The following HNF1A variants were observed in gnomAD, a reference collection of about 807,000 sequenced individuals.
HNF1A encodes the protein hepatocyte nuclear factor 1-alpha.
Under a neutral mutation model 62.2 loss-of-function variants are expected in HNF1A, and 21 were observed. The observed-to-expected ratio is 0.34, with a 90% CI of 0.24 to 0.49. HNF1A has a LOEUF of 0.49. Among genes scored for constraint, HNF1A ranks in the 20% least tolerant of loss-of-function variants. The probability of loss-of-function intolerance (pLI) is 0.99; values close to 1 mark genes in which losing one functional copy is unlikely to be tolerated. For missense variants in HNF1A, 687 were observed against 832.3 expected (o/e 0.83, Z 2.15); for synonymous variants, 374 against 366.8 (o/e 1.02, Z -0.22).
chr12:120,995,374 A>G (rs777024133), intron 4 of HNF1A, among the ~76,000 whole-genome samples: 27 of 146,038 alleles, frequency 1.8e-4, no homozygotes, highest in Non-Finnish European at 2.9e-4. Context: ...CACTCCAACC[A>G]GCTCCATTAG....
At chr12:120,999,828 G>A (rs1053103866) in intron 9 of HNF1A, among the ~76,000 whole-genome samples, 2 of 152,172 alleles carry the variant, frequency 1.3e-5, no homozygotes, top group African/African-American at 4.8e-5. Flanking sequence ...AGGAAGATGG[G>A]GCCCACCTTA....
In HNF1A at chr12:120,978,893, G is replaced by C; in HGVS notation, c.125G>C (p.Gly42Ala). ...GGGCCCTACCTCCTGGCTGGAGAAG[G>C]CCCCCTGGACAAGGGGGAGTCCTGC... ...EPGPYLLAGEGPLDKGESCGG... is the reference protein window; with the variant it reads ...EPGPYLLAGEAPLDKGESCGG... The change falls in exon 1 of 10, where the codon GGC becomes GCC. Residue 42 changes from glycine (G) to alanine (A), a missense_variant. This residue lies in a region of HNF1A where 159 missense variants were observed against 154.4 expected (regional missense o/e 1.03). Coordinates refer to ENST00000257555, the MANE Select transcript of HNF1A (RefSeq NM_000545.8). 6.2e-7 allele frequency: 1 copy of C among 1,613,264 alleles called. No homozygotes were observed. Among genetic ancestry groups the C allele is most frequent in the Non-Finnish European group, 8.5e-7 (1 of 1,179,726 alleles).
chr12:120,987,813 C>T (rs559688770), intron 1 of HNF1A, among the ~76,000 whole-genome samples: 3 of 149,986 alleles, frequency 2.0e-5, no homozygotes, highest in Admixed American at 6.7e-5. Flanking sequence ...TATCTATCTA[C>T]GTGTTTGCAC....
intron 9 of HNF1A, 152 bp from the exon 10 acceptor site, chr12:121,000,913 C>T (rs1335374605): frequency 3.0e-5 from 33 of 1,084,730 alleles, no homozygotes; most frequent in African/African-American, 1.1e-4. Context: ...TTTGAAGAAC[C>T]GAGGGTAGAG....
intron 9 of HNF1A, among the ~76,000 whole-genome samples, chr12:121,000,221 G>A (rs1877361952): frequency 6.6e-6 from 1 of 152,096 alleles, no homozygotes; most frequent in Non-Finnish European, 1.5e-5. Flanking sequence ...TTTGCAGCCT[G>A]CCTTTTTGCA....
In HNF1A at chr12:120,999,297, C is replaced by T. The variant is rs551484245; in HGVS notation, c.1531C>T (p.Gln511Ter). The change falls in exon 8 of 10, where the codon CAG (glutamine) becomes TAG (stop). Residue 511 changes from glutamine to a stop codon, truncating the protein, a stop_gained. Coordinates refer to ENST00000257555, the MANE Select transcript of HNF1A (RefSeq NM_000545.8). LOFTEE classifies it high-confidence loss of function. The part of the protein sequence containing the change: ...ALYSHKPEVA[Q>*]YTHTGLLPQT... ...CTACAGCCACAAGCCCGAGGTGGCC[C>T]AGTACACCCACACGGGCCTGCTCCC... is the stretch of plus-strand genomic sequence containing the variant. 6.2e-7 allele frequency: 1 copy of T among 1,614,024 alleles called. No individual in the cohort carries two copies. The highest frequency in any genetic ancestry group is 1.7e-5 in the Admixed American group (1 of 60,028).
Position 121,001,470 on chromosome 12 carries a change from A to G in HNF1A, c.*278A>G, listed in dbSNP as rs1877478615. ...GGAGGGACTGTCGCTGCTTCGTGGG[A>G]TACAGTCTTCTTACTTGGAACTGAA... On this transcript the variant is annotated 3_prime_UTR_variant, in exon 10 of 10. Transcript: ENST00000257555. 1 of 498,982 alleles carries G rather than the reference A, an allele frequency of 2.0e-6. No homozygotes were observed. The highest frequency in any genetic ancestry group is 3.7e-6 in the Non-Finnish European group (1 of 271,202). The allele number at this position is 498,982 out of a possible 1,614,324, so 30.9% of individuals were successfully genotyped here.
At chr12:120,984,152 C>T (rs533157974) in intron 1 of HNF1A, among the ~76,000 whole-genome samples, 7 of 152,176 alleles carry the variant, frequency 4.6e-5, no homozygotes, top group Non-Finnish European at 8.8e-5. Context: ...GGATTTTTTG[C>T]CCAACTCTAC....
At position 120,996,912 on chromosome 12, in the gene HNF1A, C is replaced by A; in HGVS notation, c.1309+170C>A. The A allele has an allele frequency of 2.0e-6, 3 of 1,509,646 alleles. No individual in the cohort carries two copies. The highest frequency in any genetic ancestry group is 2.7e-6 in the Non-Finnish European group (3 of 1,110,952). The allele number at this position is 1,509,646 out of a possible 1,614,324, so 93.5% of individuals were successfully genotyped here. On this transcript the variant is annotated intron_variant, in intron 6 of 9. Coordinates refer to ENST00000257555, the MANE Select transcript of HNF1A (RefSeq NM_000545.8). This position sits in a 1 kb window ranked among gnomAD's most constrained non-coding sequence, Gnocchi z 4.5. ...GCTACATCAGTGATACCTGGGTGAACCAAACAGACCAAAATCTCAGCAACT... is the reference window on the plus strand; with the variant it reads ...GCTACATCAGTGATACCTGGGTGAAACAAACAGACCAAAATCTCAGCAACT...
intron 7 of HNF1A, chr12:120,997,925 C>T: frequency 1.5e-6 from 1 of 657,040 alleles, no homozygotes; most frequent in Non-Finnish European, 2.8e-6. Flanking sequence ...TGTGTGCATG[C>T]CTGTGTTTCT....
intron 1 of HNF1A, among the ~76,000 whole-genome samples, chr12:120,987,712 C>G (rs1876588087): frequency 6.6e-6 from 1 of 151,958 alleles, no homozygotes; most frequent in Admixed American, 6.6e-5. Flanking sequence ...TCCCACCCAC[C>G]TGAAAGGATT....
At chr12:120,988,538 TC>T (rs1876648837) in intron 1 of HNF1A, among the ~76,000 whole-genome samples, 1 of 152,222 alleles carries the variant, frequency 6.6e-6, no homozygotes, top group Admixed American at 6.5e-5. Context: ...TATCCATGTT[TC>T]TAAACCTTTA....
In HNF1A at chr12:120,978,621, C is replaced by T. The variant is rs1482912375; in HGVS notation, c.-148C>T. 2 of 764,324 alleles carry T rather than the reference C, an allele frequency of 2.6e-6. No individual in the cohort carries two copies. Among genetic ancestry groups the T allele is most frequent in the Non-Finnish European group, 4.5e-6 (2 of 442,916 alleles). 47.3% of individuals were successfully genotyped at this position (764,324 alleles called of 1,614,324 possible). A position where few individuals can be genotyped will look rare whatever the true frequency, so the allele number is the denominator to read the frequency against. Reference sequence around the variant, plus strand: ...CAGGGTTGGGGGTTGGGGGTGCCCACAGGGCTTGGCTAGTGGGGTTTTGGG... The same window carrying T: ...CAGGGTTGGGGGTTGGGGGTGCCCATAGGGCTTGGCTAGTGGGGTTTTGGG... On this transcript the variant is annotated 5_prime_UTR_variant, in exon 1 of 10. Coordinates refer to ENST00000257555, the MANE Select transcript of HNF1A (RefSeq NM_000545.8).
chr12:121,000,923 G>A (rs531394038), intron 9 of HNF1A, 142 bp from the exon 10 acceptor site: 77 of 1,171,036 alleles, frequency 6.6e-5, no homozygotes, highest in Non-Finnish European at 8.7e-5. Context: ...CGAGGGTAGA[G>A]GTGTGACTTT....
In HNF1A at chr12:120,996,678, G is replaced by A. The variant is rs917606298; in HGVS notation, c.1245G>A (p.Gly415=). 10 of 1,614,064 alleles carry A rather than the reference G, an allele frequency of 6.2e-6. No homozygotes were observed. Among genetic ancestry groups the A allele is most frequent in the Non-Finnish European group, 8.5e-6 (10 of 1,180,018 alleles). The change falls in exon 6 of 10, where the codon GGG becomes GGA. Residue 415 remains glycine, a synonymous_variant. Transcript: ENST00000257555. This position sits in a 1 kb window ranked among gnomAD's most constrained non-coding sequence, Gnocchi z 4.5. ...MASLPGVMTI[G]PGEPASLGPT... The stretch of plus-strand genomic sequence containing the variant: ...CACTTCCTGGGGTCATGACCATCGG[G>A]CCTGGTGAGCCTGCCTCCCTGGGTC...
chr12:120,999,101 T>A (rs1201548017), intron 7 of HNF1A, among the ~76,000 whole-genome samples, 167 bp from the exon 8 acceptor site: 1 of 152,096 alleles, frequency 6.6e-6, no homozygotes, highest in Non-Finnish European at 1.5e-5. Context: ...AGAGGGTCTG[T>A]CCCTTTATCT....
At chr12:120,981,395 G>A (rs1040281079) in intron 1 of HNF1A, among the ~76,000 whole-genome samples, 5 of 152,148 alleles carry the variant, frequency 3.3e-5, no homozygotes, top group African/African-American at 1.2e-4. Context: ...AGTGACCTTG[G>A]GAAAGTCTGT....
rs1315462017 is a variant in HNF1A, at chr12:120,996,557, G to A, written c.1124G>A (p.Gly375Asp). ...TEAKLVSAAGGPLPPVSTLTA... is the reference protein window; with the variant it reads ...TEAKLVSAAGDPLPPVSTLTA... The stretch of plus-strand genomic sequence containing the variant: ...CCCTCGTAGGTCTCAGCAGCTGGGG[G>A]CCCCCTCCCCCCTGTCAGCACCCTG... Residue 375 changes from glycine (G) to aspartate (D), a missense_variant, in exon 6 of 10, where the codon GGC (glycine) becomes GAC (aspartate). Coordinates refer to ENST00000257555, the MANE Select transcript of HNF1A (RefSeq NM_000545.8). The surrounding 1 kb of genome is among the most constrained non-coding windows in gnomAD (Gnocchi z 4.5). 11 of 1,613,506 alleles carry A rather than the reference G, an allele frequency of 6.8e-6. No individual in the cohort carries two copies. Among genetic ancestry groups the A allele is most frequent in the Non-Finnish European group, 8.5e-6 (10 of 1,179,954 alleles).
chr12:120,990,393 C>T lies in HNF1A; in HGVS notation c.526+1361C>T, dbSNP rs368662730. On this transcript the variant is annotated intron_variant, in intron 2 of 9. Coordinates refer to ENST00000257555, the MANE Select transcript of HNF1A (RefSeq NM_000545.8). ...ATCCGCCCGCCTTGGCCTCCCAAAG[C>T]GCTGGGATTATAGGCGTGAGCCACC... Among the ~76,000 whole-genome samples the T allele has an allele frequency of 4.0e-3, 601 of 152,126 alleles. 7 individuals carry two copies. Among genetic ancestry groups the T allele is most frequent in the African/African-American group, 0.014 (564 of 41,488 alleles).
Sources: allele counts gnomAD v4.1 joint callset (sites outside exome capture counted in the v4.1 genomes callset), GRCh38; gene constraint gnomAD v4.1.1; regional missense constraint gnomAD v4.1.1; non-coding constraint Gnocchi (gnomAD v3.1); transcripts MANE v1.5; gene names NCBI Gene and HGNC (gene_info 2026-07-23, HGNC 2026-07-21).